SPTLC2: variants seen among roughly 807,000 people sequenced by gnomAD.
SPTLC2 encodes serine palmitoyltransferase long chain base subunit 2.
In SPTLC2, 21 loss-of-function variants were observed where a neutral mutation model predicts 62.0. That is an observed-to-expected ratio of 0.34 (90% CI 0.24 to 0.49). The LOEUF is 0.49. SPTLC2 is among the 20% of genes least tolerant of loss of function. The pLI is 0.99. For synonymous variants in SPTLC2, 261 were observed against 261.8 expected, an observed-to-expected ratio of 1.00 and a Z score of 0.03; for missense variants, 511 against 713.0, an observed-to-expected ratio of 0.72 and a Z score of 3.23.
intron 9 of SPTLC2, among the ~76,000 whole-genome samples, chr14:77,548,874 C>T (rs928559489): frequency 6.6e-5 from 10 of 152,192 alleles, no homozygotes; most frequent in African/African-American, 2.4e-4. Context: ...CACCAAAGAG[C>T]AACATTTCTT....
intron 8 of SPTLC2, among the ~76,000 whole-genome samples, chr14:77,553,291 A>G (rs1294478174): frequency 6.6e-6 from 1 of 152,140 alleles, no homozygotes; most frequent in Non-Finnish European, 1.5e-5. Flanking sequence ...TACTAAAAAA[A>G]CCAAAAGCAC....
chr14:77,596,207 C>T (rs543298169), intron 2 of SPTLC2, among the ~76,000 whole-genome samples: 33 of 152,072 alleles, frequency 2.2e-4, no homozygotes, highest in Non-Finnish European at 4.4e-4. Flanking sequence ...GGCACGGTGG[C>T]AGGCACCTGT....
At chr14:77,517,623 C>T (rs2139992714) in intron 11 of SPTLC2, among the ~76,000 whole-genome samples, 1 of 152,264 alleles carries the variant, frequency 6.6e-6, no homozygotes, top group Admixed American at 6.5e-5. Flanking sequence ...CAAGGGAACA[C>T]AGAGCAAGAA....
chr14:77,564,400 TACACACACACACACACACACAC>T (rs6145397), intron 5 of SPTLC2, among the ~76,000 whole-genome samples: 389 of 139,312 alleles, frequency 2.8e-3, no homozygotes, highest in Middle Eastern at 7.1e-3. Context: ...TATGCATGCA[TACACACACACACACACACACAC>T]ACACACACAC....
intron 6 of SPTLC2, among the ~76,000 whole-genome samples, chr14:77,558,204 C>T (rs1049553585): frequency 1.3e-5 from 2 of 152,144 alleles, no homozygotes; most frequent in Non-Finnish European, 2.9e-5. Context: ...CCCGCCATCA[C>T]GCCAGGCTAA....
At chr14:77,522,761 T>C (rs1258653503) in intron 9 of SPTLC2, among the ~76,000 whole-genome samples, 1 of 152,200 alleles carries the variant, frequency 6.6e-6, no homozygotes, top group Non-Finnish European at 1.5e-5. Flanking sequence ...TACTCATGAA[T>C]AGAAAAGGCT....
intron 4 of SPTLC2, 82 bp from the exon 5 acceptor site, chr14:77,570,590 G>C (rs1342649144): frequency 1.8e-5 from 28 of 1,566,324 alleles, no homozygotes; most frequent in Non-Finnish European, 2.4e-5. Context: ...AGAAATCATA[G>C]TATATGTGTT....
intron 1 of SPTLC2, among the ~76,000 whole-genome samples, chr14:77,601,276 G>A (rs193042692): frequency 5.3e-5 from 8 of 152,256 alleles, no homozygotes; most frequent in African/African-American, 1.9e-4. Flanking sequence ...CCATCATTGT[G>A]ATTTGTTTCT....
chr14:77,569,021 G>A (rs780569073), intron 5 of SPTLC2, among the ~76,000 whole-genome samples: 50 of 152,120 alleles, frequency 3.3e-4, no homozygotes, highest in Non-Finnish European at 2.9e-4. Context: ...CATGCTTAGC[G>A]TTCCAATAAT....
rs199510728 is a variant in SPTLC2, at chr14:77,532,057, A to AAAC, written c.1304-10479_1304-10477dup. Among the ~76,000 whole-genome samples, 173 of 152,288 alleles carry AAAC rather than the reference A, an allele frequency of 1.1e-3. 4 individuals are homozygous for AAAC. In the East Asian group the frequency reaches 0.032, roughly 28 times the overall value. ...ATTTAATAATACCCCTTTTACTTAA[A>AAAC]AACAACAACAACAACAAAACAGAAC... On this transcript the variant is annotated intron_variant, in intron 9 of 11. Coordinates refer to ENST00000216484, the MANE Select transcript of SPTLC2 (RefSeq NM_004863.4).
At position 77,512,194 on chromosome 14, in the gene SPTLC2, C is replaced by T; in HGVS notation, c.*90G>A. On this transcript the variant is annotated 3_prime_UTR_variant, in exon 12 of 12. Transcript: ENST00000216484. ...AGGCAATGTCTTTCACGTGAGATGG[C>T]CACAGAAGTGTGGTTCCTGGAACTG... The T allele has an allele frequency of 6.3e-7, 1 of 1,591,542 alleles. No individual in the cohort carries two copies. Among genetic ancestry groups the T allele is most frequent in the Non-Finnish European group, 8.6e-7 (1 of 1,162,144 alleles).
chr14:77,598,122 CAAAAAA>C (rs11410783), intron 1 of SPTLC2, among the ~76,000 whole-genome samples: 1 of 116,988 alleles, frequency 8.5e-6, no homozygotes, highest in Admixed American at 9.0e-5. Context: ...AACCCCATCT[CAAAAAA>C]AAAAAAAAAA....
At chr14:77,554,358 T>C (rs930104057) in intron 8 of SPTLC2, among the ~76,000 whole-genome samples, 1 of 152,198 alleles carries the variant, frequency 6.6e-6, no homozygotes, top group Non-Finnish European at 1.5e-5. Context: ...ACCACTAATT[T>C]TAGAACATTT....
intron 6 of SPTLC2, among the ~76,000 whole-genome samples, chr14:77,559,260 T>C (rs2079601928): frequency 6.6e-6 from 1 of 151,960 alleles, no homozygotes; most frequent in African/African-American, 2.4e-5. Flanking sequence ...GAGACGGAGG[T>C]TGCAGTGAGC....
chr14:77,513,016 C>CTTTTTT (rs1190713237), intron 11 of SPTLC2, among the ~76,000 whole-genome samples: 4,314 of 62,778 alleles, frequency 0.069, 1,194 homozygotes, highest in Middle Eastern at 0.27. Context: ...AACCCAGCAA[C>CTTTTTT]TTTTTTTTTT....
At chr14:77,517,907 G>T in intron 11 of SPTLC2, 131 bp downstream of exon 11, 1 of 1,408,012 alleles carries the variant, frequency 7.1e-7, no homozygotes, top group Non-Finnish European at 9.9e-7. Flanking sequence ...CAATGTTTTT[G>T]GTAGCACTGT....
intron 1 of SPTLC2, among the ~76,000 whole-genome samples, chr14:77,611,330 G>A (rs560416691): frequency 6.6e-6 from 1 of 151,226 alleles, no homozygotes; most frequent in Admixed American, 6.6e-5. Flanking sequence ...CACTGTAGTG[G>A]TGCACACCTG....
At chr14:77,593,498 T>A (rs1595011007) in intron 2 of SPTLC2, among the ~76,000 whole-genome samples, 1 of 152,134 alleles carries the variant, frequency 6.6e-6, no homozygotes, top group South Asian at 2.1e-4. Context: ...ATCCATAGAT[T>A]GAGAAAAACA....
intron 1 of SPTLC2, among the ~76,000 whole-genome samples, chr14:77,606,462 A>G (rs920020443): frequency 5.9e-5 from 9 of 151,596 alleles, no homozygotes; most frequent in African/African-American, 2.2e-4. Flanking sequence ...GGCCTAGGGA[A>G]TCTCTCACAA....
Sources: gnomAD v4.1 joint callset for allele counts (sites outside exome capture counted in the v4.1 genomes callset) on GRCh38, gnomAD v4.1.1 for gene constraint, MANE v1.5 for transcripts, NCBI Gene and HGNC (gene_info 2026-07-23, HGNC 2026-07-21) for gene names.